NRG1: variants seen among roughly 807,000 people sequenced by gnomAD.
NRG1 encodes neuregulin 1.
A neutral mutation model predicts 63.8 loss-of-function variants in NRG1; 18 were observed. The ratio of observed to expected loss-of-function variants is 0.28; its 90% confidence interval spans 0.19 to 0.42. NRG1 has a LOEUF of 0.42. Among genes scored for constraint, NRG1 ranks in the 10% least tolerant of loss-of-function variants. The pLI, the probability that NRG1 is intolerant of heterozygous loss-of-function variation, is 1.00. For missense variants in NRG1, 762 were observed against 814.7 expected (o/e 0.94, Z 0.79); for synonymous variants, 302 against 301.3 (o/e 1.00, Z -0.02).
intron 1 of NRG1, among the ~76,000 whole-genome samples, chr8:31,758,134 C>T (rs575282595): frequency 5.9e-5 from 9 of 152,052 alleles, no homozygotes; most frequent in Admixed American, 2.6e-4. Flanking sequence ...TAGGTATACA[C>T]GTGCCATGGT....
rs183216561 is a variant in NRG1, at chr8:31,866,760, T to G, written c.37+227329T>G. Among the ~76,000 whole-genome samples the G allele has an allele frequency of 9.1e-3, 1,387 of 152,338 alleles. 21 individuals are homozygous for G. Among genetic ancestry groups the G allele is most frequent in the African/African-American group, 0.032 (1,312 of 41,576 alleles). On this transcript the variant is annotated intron_variant, in intron 1 of 10. Coordinates refer to the NRG1 transcript ENST00000519301. ...AAACTTCATAAAATGTAGAATTCCC[T>G]CTGCATGCATAGGGAAGTAGCTTTT...
chr8:32,643,298 A>G (rs1013145880), intron 5 of NRG1, among the ~76,000 whole-genome samples: 1 of 152,128 alleles, frequency 6.6e-6, no homozygotes, highest in African/African-American at 2.4e-5. Context: ...CTGCTTAACC[A>G]ATAGGATGCA....
At chr8:31,755,719 C>T (rs1816901324) in intron 1 of NRG1, among the ~76,000 whole-genome samples, 1 of 152,102 alleles carries the variant, frequency 6.6e-6, no homozygotes, top group Admixed American at 6.6e-5. Context: ...TTCCACTGCA[C>T]TGCAGCAGCG....
intron 1 of NRG1, among the ~76,000 whole-genome samples, chr8:31,967,511 G>A (rs546495166): frequency 2.0e-5 from 3 of 152,190 alleles, no homozygotes; most frequent in South Asian, 2.1e-4. Flanking sequence ...CAAGGCAATA[G>A]GTCAAAACCT....
At chr8:31,906,239 C>G (rs148308369) in intron 1 of NRG1, among the ~76,000 whole-genome samples, 1 of 152,266 alleles carries the variant, frequency 6.6e-6, no homozygotes, top group African/African-American at 2.4e-5. Flanking sequence ...GCTTTAGCTC[C>G]TTACCACGTG....
chr8:32,238,302 T>G (rs1847773899), intron 1 of NRG1, among the ~76,000 whole-genome samples: 1 of 151,998 alleles, frequency 6.6e-6, no homozygotes, highest in Non-Finnish European at 1.5e-5. Context: ...CTGTCTCTAC[T>G]AAAAATCTTA....
chr8:32,143,513 A>G (rs763155867), intron 1 of NRG1, among the ~76,000 whole-genome samples: 4 of 152,202 alleles, frequency 2.6e-5, no homozygotes, highest in Non-Finnish European at 5.9e-5. Flanking sequence ...CAAGCTGAAC[A>G]TGTATCCAGC....
intron 1 of NRG1, among the ~76,000 whole-genome samples, chr8:32,421,687 C>T (rs1271068481): frequency 6.6e-6 from 1 of 152,196 alleles, no homozygotes; most frequent in Non-Finnish European, 1.5e-5. Context: ...AGCTTTCCTT[C>T]TTCCTGTGCT....
At position 31,640,089 on chromosome 8, in the gene NRG1, ACTG is replaced by A. The variant is rs1292833121; in HGVS notation, c.37+668_37+670del. The A allele has an allele frequency of 1.2e-5, 14 of 1,138,716 alleles. No homozygotes were observed. The highest frequency in any genetic ancestry group is 9.8e-5 in the Admixed American group (2 of 20,366). 70.5% of individuals were successfully genotyped at this position (1,138,716 alleles called of 1,614,324 possible). A position where few individuals can be genotyped will look rare whatever the true frequency, so the allele number is the denominator to read the frequency against. On this transcript the variant is annotated intron_variant, in intron 1 of 10. Coordinates refer to the NRG1 transcript ENST00000519301. The surrounding 1 kb of genome is among the most constrained non-coding windows in gnomAD (Gnocchi z 6.3). ...CGCCGCCGCTGCCGCTGCTGCCACT[ACTG>A]CTGCTGCTGGGGACCGCGGCCCTGG...
intron 1 of NRG1, among the ~76,000 whole-genome samples, chr8:31,982,633 G>A (rs1809338839): frequency 6.6e-6 from 1 of 152,016 alleles, no homozygotes; most frequent in African/African-American, 2.4e-5. Flanking sequence ...AATTATGAAG[G>A]TCCATTTTTG....
intron 1 of NRG1, among the ~76,000 whole-genome samples, chr8:31,679,992 A>G (rs539640671): frequency 6.6e-6 from 1 of 152,150 alleles, no homozygotes; most frequent in Non-Finnish European, 1.5e-5. Context: ...AAACTCTTAG[A>G]AAAACAGGAA....
chr8:31,944,481 A>G (rs994566294), intron 1 of NRG1, among the ~76,000 whole-genome samples: 23 of 152,330 alleles, frequency 1.5e-4, no homozygotes, highest in African/African-American at 5.5e-4. Flanking sequence ...TCTAGCTCTT[A>G]ACTTTCCAAG....
chr8:31,865,865 A>G (rs1431102812), intron 1 of NRG1, among the ~76,000 whole-genome samples: 1 of 152,202 alleles, frequency 6.6e-6, no homozygotes, highest in Non-Finnish European at 1.5e-5. Flanking sequence ...CTGAGCAGTC[A>G]TATTATTAGT....
intron 1 of NRG1, among the ~76,000 whole-genome samples, chr8:31,739,293 G>A (rs997398034): frequency 3.3e-5 from 5 of 151,986 alleles, no homozygotes; most frequent in Non-Finnish European, 5.9e-5. Flanking sequence ...TTCATGGAAT[G>A]TTATCTCACA....
chr8:32,048,165 GT>G (rs1286346494), intron 1 of NRG1, among the ~76,000 whole-genome samples: 1 of 151,604 alleles, frequency 6.6e-6, no homozygotes, highest in Non-Finnish European at 1.5e-5. Context: ...GGACACTGAG[GT>G]TAATGTCATA....
At chr8:32,515,319 C>T (rs1829703435) in intron 1 of NRG1, among the ~76,000 whole-genome samples, 1 of 152,046 alleles carries the variant, frequency 6.6e-6, no homozygotes, top group African/African-American at 2.4e-5. Context: ...GAGGTGGTAT[C>T]TCTTTGTGGT....
At chr8:32,498,712 G>T (rs1317792727) in intron 1 of NRG1, among the ~76,000 whole-genome samples, 1 of 152,150 alleles carries the variant, frequency 6.6e-6, no homozygotes, top group Non-Finnish European at 1.5e-5. Flanking sequence ...GCCTATTTTA[G>T]TAAGTTTTGT....
At chr8:31,773,162 A>T (rs1818797855) in intron 1 of NRG1, among the ~76,000 whole-genome samples, 1 of 152,180 alleles carries the variant, frequency 6.6e-6, no homozygotes, top group Non-Finnish European at 1.5e-5. Context: ...TGGCCCATGG[A>T]TGGGTAAAAG....
At chr8:31,969,649 CCTT>C (rs1379956434) in intron 1 of NRG1, among the ~76,000 whole-genome samples, 1 of 152,162 alleles carries the variant, frequency 6.6e-6, no homozygotes, top group East Asian at 1.9e-4. Flanking sequence ...AGATGCATGT[CCTT>C]CTTGCACAGG....
Sources: gnomAD v4.1 joint callset for allele counts (sites outside exome capture counted in the v4.1 genomes callset) on GRCh38, gnomAD v4.1.1 for gene constraint, Gnocchi (gnomAD v3.1) non-coding constraint, MANE v1.5 for transcripts, NCBI Gene and HGNC (gene_info 2026-07-23, HGNC 2026-07-21) for gene names.